UBAP2: variants seen among roughly 807,000 people sequenced by gnomAD.
The protein encoded by UBAP2 is ubiquitin associated protein 2, also known as ubiquitin-associated protein 2.
In UBAP2, 75 loss-of-function variants were observed where a neutral mutation model predicts 139.6. The observed-to-expected ratio is 0.54, with a 90% CI of 0.45 to 0.65. The LOEUF is 0.65. Ranked by LOEUF, UBAP2 falls within the 30% of genes least tolerant of loss-of-function variation. The pLI, the probability that UBAP2 is intolerant of heterozygous loss-of-function variation, is 0.00. For synonymous variants in UBAP2, 526 were observed against 526.2 expected, an observed-to-expected ratio of 1.00 and a Z score of 0.01; for missense variants, 1,368 against 1,369.6, an observed-to-expected ratio of 1.00 and a Z score of 0.02.
intron 11 of UBAP2, among the ~76,000 whole-genome samples, chr9:33,954,267 TATACACACACACACAC>T (rs1826354923): frequency 9.8e-6 from 1 of 101,624 alleles, no homozygotes; most frequent in South Asian, 3.2e-4. Context: ...AGTGTGTGTA[TATACACACACACACAC>T]ACACACACAC....
At chr9:33,964,637 T>A (rs115247750) in intron 8 of UBAP2, among the ~76,000 whole-genome samples, 102 of 151,746 alleles carry the variant, frequency 6.7e-4, no homozygotes, top group African/African-American at 2.4e-3. Flanking sequence ...GAGTTTGAGG[T>A]TGTAGTGCAC....
intron 1 of UBAP2, among the ~76,000 whole-genome samples, chr9:34,043,503 A>G (rs1337000112): frequency 6.6e-6 from 1 of 152,024 alleles, no homozygotes; most frequent in East Asian, 1.9e-4. Flanking sequence ...GCAAGTATGC[A>G]AAGTATGATC....
intron 6 of UBAP2, among the ~76,000 whole-genome samples, chr9:33,985,682 G>C (rs1436669634): frequency 6.6e-6 from 1 of 152,112 alleles, no homozygotes; most frequent in East Asian, 1.9e-4. Flanking sequence ...TATAGAGGGT[G>C]GGGAATAAAG....
chr9:34,002,983 C>A (rs1007635279), intron 2 of UBAP2, among the ~76,000 whole-genome samples: 2 of 152,052 alleles, frequency 1.3e-5, no homozygotes, highest in Non-Finnish European at 2.9e-5. Flanking sequence ...CCACAGTGCC[C>A]GGCCTATATC....
At chr9:33,934,954 G>A (rs566175917) in intron 17 of UBAP2, among the ~76,000 whole-genome samples, 1 of 152,258 alleles carries the variant, frequency 6.6e-6, no homozygotes. Context: ...AGTTTCAACT[G>A]AGGCTCACCT....
intron 16 of UBAP2, 71 bp downstream of exon 16, chr9:33,941,578 A>G: frequency 7.8e-7 from 1 of 1,288,156 alleles, no homozygotes; most frequent in Non-Finnish European, 1.1e-6. Context: ...TCCAAGAAGC[A>G]TAATTTAACC....
chr9:33,978,807 T>G (rs1820387882), intron 6 of UBAP2, among the ~76,000 whole-genome samples: 1 of 151,962 alleles, frequency 6.6e-6, no homozygotes, highest in South Asian at 2.1e-4. Flanking sequence ...AAAGAAAAAG[T>G]AGAGGAACTA....
At chr9:34,000,037 G>A (rs1450694676) in intron 2 of UBAP2, among the ~76,000 whole-genome samples, 1 of 151,606 alleles carries the variant, frequency 6.6e-6, no homozygotes, top group Non-Finnish European at 1.5e-5. Context: ...AACCTCTGCC[G>A]CCCAGGTTCA....
intron 1 of UBAP2, among the ~76,000 whole-genome samples, chr9:34,042,894 A>C (rs1453738127): frequency 6.6e-6 from 1 of 152,056 alleles, no homozygotes; most frequent in Non-Finnish European, 1.5e-5. Flanking sequence ...CAACATAGCA[A>C]GACTCCTCTC....
chr9:34,046,115 G>A (rs534206676), intron 1 of UBAP2, among the ~76,000 whole-genome samples: 1 of 152,242 alleles, frequency 6.6e-6, no homozygotes, highest in African/African-American at 2.4e-5. Flanking sequence ...CTGACATACA[G>A]GTTTCTCACA....
chr9:34,047,585 T>C (rs912644832), intron 1 of UBAP2, among the ~76,000 whole-genome samples: 2 of 152,142 alleles, frequency 1.3e-5, no homozygotes, highest in South Asian at 4.1e-4. Context: ...TTGAAAAAAG[T>C]GCTGTCACAA....
At chr9:33,945,178 G>GATAT (rs10537006) in intron 13 of UBAP2, among the ~76,000 whole-genome samples, 72 of 149,446 alleles carry the variant, frequency 4.8e-4, no homozygotes, top group Non-Finnish European at 5.5e-4. Context: ...TGGACTAATT[G>GATAT]ATATATATAT....
chr9:33,923,041 G>A lies in UBAP2; in HGVS notation c.3005-8C>T. ...TTGAAGACACTGATACTCCTAGGAGGAAAAGCAGTTGTTCCCCACAGCAGT... is the reference window on the plus strand; with the variant it reads ...TTGAAGACACTGATACTCCTAGGAGAAAAAGCAGTTGTTCCCCACAGCAGT... On this transcript the variant is annotated splice_region_variant and splice_polypyrimidine_tract_variant and intron_variant, in intron 26 of 28. Transcript: ENST00000379238. 1 of 1,614,060 alleles carries A rather than the reference G, an allele frequency of 6.2e-7. No individual in the cohort carries two copies. Among genetic ancestry groups the A allele is most frequent in the Non-Finnish European group, 8.5e-7 (1 of 1,179,972 alleles).
In UBAP2 at chr9:33,973,276, T is replaced by C. The variant is rs112464828; in HGVS notation, c.521-39A>G. The C allele has an allele frequency of 5.0e-6, 8 of 1,586,864 alleles. No homozygotes were observed. The African/African-American group carries it at 5.4e-5, about 11-fold the overall frequency. ...CACAATTATAGTATAAAATAATACT[T>C]ATGTCCTACACAATTACACTTCCTT... On this transcript the variant is annotated intron_variant, in intron 6 of 28. Coordinates refer to ENST00000379238, the MANE Select transcript of UBAP2 (RefSeq NM_001370062.2).
rs145797044 is a variant in UBAP2 at position 34,048,415 on chromosome 9, ACGGG to A, written c.-42+406_-42+409del. Among the ~76,000 whole-genome samples, 535 of 152,340 alleles carry A rather than the reference ACGGG, an allele frequency of 3.5e-3. 1 individual carries two copies. The highest frequency in any genetic ancestry group is 0.012 in the African/African-American group (490 of 41,588). The stretch of plus-strand genomic sequence containing the variant: ...AACAGGGCCAGTCCCAAGACTAGCT[ACGGG>A]CGTGAAAGCGGAAAGGTGATGAGAT... On this transcript the variant is annotated intron_variant, in intron 1 of 28. Transcript: ENST00000379238.
At chr9:33,997,985 G>T (rs1822338404) in intron 3 of UBAP2, 1 of 152,148 alleles carries the variant, frequency 6.6e-6, no homozygotes, top group Non-Finnish European at 1.5e-5. Context: ...ATGAGAAAGG[G>T]TCAGCAAAGA....
At chr9:33,960,952 T>G (rs1827004854) in intron 9 of UBAP2, 74 bp from the exon 10 acceptor site, 1 of 1,453,258 alleles carries the variant, frequency 6.9e-7, no homozygotes, top group Non-Finnish European at 9.7e-7. Flanking sequence ...GATTCCTTTT[T>G]GTGTACTATG....
chr9:33,975,083 T>A (rs973680042), intron 6 of UBAP2, among the ~76,000 whole-genome samples: 1 of 151,822 alleles, frequency 6.6e-6, no homozygotes, highest in African/African-American at 2.4e-5. Flanking sequence ...TAAAATACAA[T>A]CCCATATTCA....
At chr9:34,013,367 TGGTGAA>T in intron 2 of UBAP2, among the ~76,000 whole-genome samples, 1 of 151,538 alleles carries the variant, frequency 6.6e-6, no homozygotes, top group Middle Eastern at 3.4e-3. Context: ...CTGACCAACA[TGGTGAA>T]ACCCCGTCTC....
Sources: allele counts gnomAD v4.1 joint callset (sites outside exome capture counted in the v4.1 genomes callset), GRCh38; gene constraint gnomAD v4.1.1; transcripts MANE v1.5; gene names NCBI Gene and HGNC (gene_info 2026-07-23, HGNC 2026-07-21).